Variants in TMEM108 observed in about 807,000 individuals in gnomAD.
The protein encoded by TMEM108 is transmembrane protein 108.
Under a neutral mutation model 35.1 loss-of-function variants are expected in TMEM108, and 12 were observed. The ratio of observed to expected loss-of-function variants is 0.34; its 90% confidence interval spans 0.22 to 0.55. The LOEUF is 0.55. TMEM108 is among the 20% of genes least tolerant of loss of function. TMEM108 has a pLI of 0.89. For missense variants in TMEM108, 680 were observed against 753.3 expected (o/e 0.90, Z 1.14); for synonymous variants, 287 against 308.6 (o/e 0.93, Z 0.73).
chr3:133,308,377 G>A (rs1217086992), intron 3 of TMEM108, among the ~76,000 whole-genome samples: 5 of 152,046 alleles, frequency 3.3e-5, no homozygotes, highest in African/African-American at 1.2e-4. Context: ...GATTACCCTG[G>A]CCAGAACTTC....
At chr3:133,141,964 A>G (rs1204110235) in intron 2 of TMEM108, among the ~76,000 whole-genome samples, 9 of 152,146 alleles carry the variant, frequency 5.9e-5, no homozygotes, top group African/African-American at 1.4e-4. Context: ...GGACCAGACA[A>G]TTCTTTGTTA....
chr3:133,170,457 C>G (rs1488163022), intron 2 of TMEM108, among the ~76,000 whole-genome samples: 2 of 152,154 alleles, frequency 1.3e-5, no homozygotes, highest in African/African-American at 2.4e-5. Context: ...GAAGAAAAAT[C>G]ACAGGTTTAA....
intron 2 of TMEM108, among the ~76,000 whole-genome samples, chr3:133,118,035 GT>G (rs764384851): frequency 1.6e-4 from 25 of 152,114 alleles, no homozygotes; most frequent in Non-Finnish European, 3.1e-4. Context: ...ATTCTATTAG[GT>G]TGTCTGGTTT....
intron 2 of TMEM108, among the ~76,000 whole-genome samples, chr3:133,173,988 C>T (rs1490809967): frequency 6.6e-6 from 1 of 152,216 alleles, no homozygotes; most frequent in East Asian, 1.9e-4. Context: ...CCTCATACTG[C>T]ACTTTTCCAA....
At chr3:133,060,968 G>A (rs973537349) in intron 2 of TMEM108, among the ~76,000 whole-genome samples, 6 of 152,118 alleles carry the variant, frequency 3.9e-5, no homozygotes, top group African/African-American at 1.4e-4. Context: ...TTTAAATGAT[G>A]TAGTAGTTCT....
intron 4 of TMEM108, chr3:133,387,724 G>A (rs972463506): frequency 4.3e-6 from 3 of 699,230 alleles, no homozygotes; most frequent in Non-Finnish European, 3.5e-6. Context: ...AGTGCTGGCA[G>A]ATGTATGACT....
intron 4 of TMEM108, among the ~76,000 whole-genome samples, chr3:133,385,839 G>T (rs2107852874): frequency 6.6e-6 from 1 of 152,304 alleles, no homozygotes; most frequent in South Asian, 2.1e-4. Context: ...TCTGCAAAAT[G>T]GGACTCCTGT....
chr3:133,049,185 T>G (rs1943375392), intron 2 of TMEM108, among the ~76,000 whole-genome samples: 1 of 152,228 alleles, frequency 6.6e-6, no homozygotes, highest in African/African-American at 2.4e-5. Flanking sequence ...TAAGCTTTTC[T>G]TGTGATAACC....
At chr3:133,300,411 A>G (rs1232024612) in intron 3 of TMEM108, among the ~76,000 whole-genome samples, 1 of 152,152 alleles carries the variant, frequency 6.6e-6, no homozygotes, top group Non-Finnish European at 1.5e-5. Context: ...TTTGGCGGCA[A>G]CTGGGTAAGG....
chr3:133,253,404 C>A (rs1236351528), intron 3 of TMEM108: 2 of 152,132 alleles, frequency 1.3e-5, no homozygotes, highest in African/African-American at 4.8e-5. Flanking sequence ...TGTTTCAACT[C>A]TTCCTAGTCT....
intron 3 of TMEM108, among the ~76,000 whole-genome samples, chr3:133,309,328 A>AT (rs1331039579): frequency 6.6e-6 from 1 of 152,008 alleles, no homozygotes; most frequent in East Asian, 1.9e-4. Context: ...GGATTCTTTG[A>AT]TTTTTTGAAG....
chr3:133,058,587 G>T lies in TMEM108; in HGVS notation c.-47+12567G>T, dbSNP rs79781220. Among the ~76,000 whole-genome samples the T allele has an allele frequency of 7.8e-4, 119 of 152,348 alleles. 1 individual carries two copies. In the East Asian group the frequency reaches 0.022, roughly 28 times the overall value. ...AGGCCCTATTGCCCTGGTTGGAAGG[G>T]ATGGGGTGGGAACGCACTTGAGGGG... is the stretch of plus-strand genomic sequence containing the variant. On this transcript the variant is annotated intron_variant, in intron 2 of 5. Coordinates refer to ENST00000321871, the MANE Select transcript of TMEM108 (RefSeq NM_023943.4).
chr3:133,261,828 A>G (rs1040702821), intron 3 of TMEM108, among the ~76,000 whole-genome samples: 2 of 152,186 alleles, frequency 1.3e-5, no homozygotes, highest in African/African-American at 4.8e-5. Flanking sequence ...AGGCAGACAG[A>G]TGCATTCCCA....
intron 3 of TMEM108, among the ~76,000 whole-genome samples, chr3:133,299,328 T>A (rs1947187209): frequency 6.6e-6 from 1 of 152,208 alleles, no homozygotes; most frequent in South Asian, 2.1e-4. Flanking sequence ...TTAGTCTTTC[T>A]CCTTCAACCT....
At chr3:133,053,018 C>T (rs1943425655) in intron 2 of TMEM108, among the ~76,000 whole-genome samples, 1 of 152,148 alleles carries the variant, frequency 6.6e-6, no homozygotes, top group African/African-American at 2.4e-5. Flanking sequence ...CTCTGAGTGT[C>T]TGGTTCATTA....
intron 2 of TMEM108, among the ~76,000 whole-genome samples, chr3:133,138,434 A>G (rs1576339400): frequency 6.6e-6 from 1 of 152,228 alleles, no homozygotes; most frequent in East Asian, 1.9e-4. Context: ...GCGGCGGCCC[A>G]GGACAGCTTT....
chr3:133,091,073 C>T (rs4854690), intron 2 of TMEM108, among the ~76,000 whole-genome samples: 34,763 of 151,978 alleles, frequency 0.23, 4,758 homozygotes, highest in Non-Finnish European at 0.3. Flanking sequence ...AAAGCTGATT[C>T]CAATTTGTAA....
intron 3 of TMEM108, among the ~76,000 whole-genome samples, chr3:133,296,097 A>C (rs1367434624): frequency 6.6e-6 from 1 of 152,210 alleles, no homozygotes; most frequent in African/African-American, 2.4e-5. Flanking sequence ...CTAATGTCTG[A>C]GTGCATATCT....
intron 2 of TMEM108, among the ~76,000 whole-genome samples, chr3:133,199,868 G>A (rs1265116978): frequency 6.6e-6 from 1 of 152,202 alleles, no homozygotes; most frequent in Non-Finnish European, 1.5e-5. Flanking sequence ...CCCAGAGGTG[G>A]AGTCTACAGA....
Sources: allele counts gnomAD v4.1 joint callset (sites outside exome capture counted in the v4.1 genomes callset), GRCh38; gene constraint gnomAD v4.1.1; transcripts MANE v1.5; gene names NCBI Gene and HGNC (gene_info 2026-07-23, HGNC 2026-07-21).